The following ADAM12 variants were observed in gnomAD, a reference collection of about 807,000 sequenced individuals.
The protein encoded by ADAM12 is disintegrin and metalloproteinase domain-containing protein 12.
In ADAM12, 70 loss-of-function variants were observed where a neutral mutation model predicts 106.4. The ratio of observed to expected loss-of-function variants is 0.66; its 90% CI spans 0.54 to 0.80. ADAM12 has a LOEUF of 0.80. Ranked by LOEUF, ADAM12 falls within the 30% of genes least tolerant of loss-of-function variation. The pLI is 0.00. For missense variants in ADAM12, 1,010 were observed against 1,171.9 expected, an observed-to-expected ratio of 0.86 and a Z score of 2.02; for synonymous variants, 420 against 433.5, an observed-to-expected ratio of 0.97 and a Z score of 0.39.
intron 4 of ADAM12, among the ~76,000 whole-genome samples, chr10:126,146,976 G>A (rs1956639577): frequency 1.3e-5 from 2 of 152,120 alleles, no homozygotes; most frequent in South Asian, 4.1e-4. Context: ...ATAGTCATCC[G>A]CCCTGACGTG....
intron 2 of ADAM12, among the ~76,000 whole-genome samples, chr10:126,328,963 G>T (rs1186984398): frequency 6.6e-6 from 1 of 152,124 alleles, no homozygotes; most frequent in Non-Finnish European, 1.5e-5. Context: ...GGGTAGGAAG[G>T]AGGAAGCTGG....
intron 4 of ADAM12, among the ~76,000 whole-genome samples, chr10:126,145,199 T>C (rs557280064): frequency 3.9e-5 from 6 of 152,230 alleles, no homozygotes; most frequent in African/African-American, 1.4e-4. Flanking sequence ...GTATGGGATG[T>C]TTACTGGTCT....
chr10:126,107,117 A>C (rs1169042224), intron 8 of ADAM12, among the ~76,000 whole-genome samples: 1 of 152,158 alleles, frequency 6.6e-6, no homozygotes, highest in African/African-American at 2.4e-5. Flanking sequence ...ACATGAACAC[A>C]TATAGGAACA....
chr10:126,090,441 A>G (rs1345927611), intron 11 of ADAM12, among the ~76,000 whole-genome samples: 1 of 152,072 alleles, frequency 6.6e-6, no homozygotes, highest in African/African-American at 2.4e-5. Flanking sequence ...CAAGTCATTC[A>G]CAATTTTCTT....
At chr10:126,122,387 T>C (rs1487665972) in intron 5 of ADAM12, among the ~76,000 whole-genome samples, 1 of 152,188 alleles carries the variant, frequency 6.6e-6, no homozygotes, top group East Asian at 1.9e-4. Context: ...AAATAAAATG[T>C]AGACTTCTAA....
At chr10:126,018,581 C>T (rs958315365) in intron 22 of ADAM12, among the ~76,000 whole-genome samples, 3 of 152,116 alleles carry the variant, frequency 2.0e-5, no homozygotes, top group African/African-American at 7.2e-5. Flanking sequence ...CACTTATTAC[C>T]TTTGTTTCTA....
chr10:126,343,192 C>T (rs185637623), intron 1 of ADAM12, among the ~76,000 whole-genome samples: 27 of 146,046 alleles, frequency 1.8e-4, no homozygotes, highest in Admixed American at 9.7e-4. Flanking sequence ...CCCCATCCCA[C>T]GACAGGCCCT....
chr10:126,104,605 C>G (rs979538953), intron 8 of ADAM12, among the ~76,000 whole-genome samples: 1 of 152,114 alleles, frequency 6.6e-6, no homozygotes, highest in Non-Finnish European at 1.5e-5. Flanking sequence ...GCAAACTCCA[C>G]GATAGCTCCA....
intron 2 of ADAM12, among the ~76,000 whole-genome samples, chr10:126,299,348 AT>A (rs1437913009): frequency 6.6e-6 from 1 of 152,038 alleles, no homozygotes; most frequent in Non-Finnish European, 1.5e-5. Flanking sequence ...CTTTTCTCTC[AT>A]TTTTTCAACA....
chr10:126,312,286 G>C (rs1272993904), intron 2 of ADAM12, among the ~76,000 whole-genome samples: 1 of 152,140 alleles, frequency 6.6e-6, no homozygotes, highest in Non-Finnish European at 1.5e-5. Flanking sequence ...ACACAAGATG[G>C]GTGCAGAGGG....
chr10:126,062,899 G>T (rs1247419131), intron 14 of ADAM12, among the ~76,000 whole-genome samples: 2 of 152,248 alleles, frequency 1.3e-5, no homozygotes, highest in African/African-American at 2.4e-5. Flanking sequence ...AAGCCATGAA[G>T]ATTTGGCCTG....
chr10:126,378,855 T>A (rs1369981299), intron 1 of ADAM12, among the ~76,000 whole-genome samples: 1 of 152,226 alleles, frequency 6.6e-6, no homozygotes, highest in African/African-American at 2.4e-5. Flanking sequence ...TCAATCATCT[T>A]TTATATGATA....
Position 126,066,052 on chromosome 10 carries a change from A to C in ADAM12, c.1413+665T>G, listed in dbSNP as rs1954861108. 6.6e-6 allele frequency among the ~76,000 whole-genome samples: 1 copy of C among 152,212 alleles called. No individual in the cohort carries two copies. Among genetic ancestry groups the C allele is most frequent in the Non-Finnish European group, 1.5e-5 (1 of 68,040 alleles). On this transcript the variant is annotated intron_variant, in intron 13 of 22. Coordinates refer to ENST00000448723, the MANE Select transcript of ADAM12 (RefSeq NM_001288973.2). This position sits in a 1 kb window ranked among gnomAD's most constrained non-coding sequence, Gnocchi z 5.1. ...CTAAGAGGGAGTTTCCTGCAAGCAG[A>C]ATGTCAGGATCAATTGCTTAATTAA...
At position 126,365,314 on chromosome 10, in the gene ADAM12, T is replaced by C. The variant is rs145272439; in HGVS notation, c.88+22744A>G. On this transcript the variant is annotated intron_variant, in intron 1 of 22. Transcript: ENST00000448723. ...GACTCCTAAGACCCCAACAATAAATTTAAAATGCAAATTAGAATATTTTAA... is the reference window on the plus strand; with the variant it reads ...GACTCCTAAGACCCCAACAATAAATCTAAAATGCAAATTAGAATATTTTAA... Among the ~76,000 whole-genome samples, 191 of 152,176 alleles carry C rather than the reference T, an allele frequency of 1.3e-3. 1 individual carries two copies. Among genetic ancestry groups the C allele is most frequent in the African/African-American group, 4.4e-3 (182 of 41,514 alleles).
chr10:126,150,277 G>C (rs1956705645), intron 4 of ADAM12, among the ~76,000 whole-genome samples: 2 of 152,160 alleles, frequency 1.3e-5, no homozygotes, highest in Non-Finnish European at 2.9e-5. Context: ...AGGTAAAAGA[G>C]GACATAAACG....
intron 2 of ADAM12, among the ~76,000 whole-genome samples, chr10:126,288,282 C>G (rs1431294591): frequency 6.6e-6 from 1 of 152,150 alleles, no homozygotes; most frequent in East Asian, 1.9e-4. Flanking sequence ...GCAGGGCTTG[C>G]CCTGTGAGCT....
chr10:126,330,953 TCTC>T (rs1274879834), intron 1 of ADAM12, among the ~76,000 whole-genome samples: 3 of 152,212 alleles, frequency 2.0e-5, no homozygotes, highest in Non-Finnish European at 2.9e-5. Context: ...TAATGCCAAT[TCTC>T]CTCTCTGCAC....
At chr10:126,168,840 G>C (rs1957070146) in intron 3 of ADAM12, among the ~76,000 whole-genome samples, 1 of 152,092 alleles carries the variant, frequency 6.6e-6, no homozygotes, top group Admixed American at 6.5e-5. Flanking sequence ...ATCACTTGAG[G>C]TCAGGAGTTC....
At position 126,066,699 on chromosome 10, in the gene ADAM12, G is replaced by A. The variant is rs1954876174; in HGVS notation, c.1413+18C>T. 2 of 1,613,376 alleles carry A rather than the reference G, an allele frequency of 1.2e-6. No homozygotes were observed. Among genetic ancestry groups the A allele is most frequent in the Non-Finnish European group, 1.7e-6 (2 of 1,179,284 alleles). ...CTGTTGGCGACCTGGGGGTCAAGTT[G>A]TAGCTCCGGTGACTCACCTGGCAGT... On this transcript the variant is annotated intron_variant, in intron 13 of 22. Transcript: ENST00000448723. The surrounding 1 kb of genome is among the most constrained non-coding windows in gnomAD (Gnocchi z 5.1).
Sources: gnomAD v4.1 joint callset for allele counts (sites outside exome capture counted in the v4.1 genomes callset) on GRCh38, gnomAD v4.1.1 for gene constraint, Gnocchi (gnomAD v3.1) non-coding constraint, MANE v1.5 for transcripts, NCBI Gene and HGNC (gene_info 2026-07-23, HGNC 2026-07-21) for gene names.